Variants in MKLN1 observed in about 807,000 individuals in gnomAD.
The protein encoded by MKLN1 is muskelin.
Under a neutral mutation model 99.0 loss-of-function variants are expected in MKLN1, and 18 were observed. The ratio of observed to expected loss-of-function variants is 0.18; its 90% CI spans 0.13 to 0.27. MKLN1 has a LOEUF of 0.27. Among genes scored for constraint, MKLN1 ranks in the 10% least tolerant of loss-of-function variants. The probability of loss-of-function intolerance (pLI) is 1.00; values close to 1 mark genes in which losing one functional copy is unlikely to be tolerated. For missense variants in MKLN1, 621 were observed against 875.9 expected (o/e 0.71, Z 3.67); for synonymous variants, 288 against 293.2 (o/e 0.98, Z 0.18).
At chr7:131,244,317 G>A (rs528421788) in intron 3 of MKLN1, among the ~76,000 whole-genome samples, 4 of 152,032 alleles carry the variant, frequency 2.6e-5, no homozygotes, top group Admixed American at 1.3e-4. Flanking sequence ...TTCATGACCC[G>A]CTCCTCCCTC....
chr7:131,357,065 A>G (rs1799906550), intron 1 of MKLN1, among the ~76,000 whole-genome samples: 1 of 152,194 alleles, frequency 6.6e-6, no homozygotes, highest in South Asian at 2.1e-4. Context: ...TTACATTCAT[A>G]TGCTCTGTTT....
At chr7:131,189,535 CA>C (rs58453306) in intron 2 of MKLN1, among the ~76,000 whole-genome samples, 50,616 of 129,774 alleles carry the variant, frequency 0.39, 8,993 homozygotes, top group Middle Eastern at 0.54. Flanking sequence ...AAAAAACAAA[CA>C]AAAAAAAAAA....
At chr7:131,451,890 CAG>C (rs1563355885) in intron 12 of MKLN1, among the ~76,000 whole-genome samples, 1 of 152,144 alleles carries the variant, frequency 6.6e-6, no homozygotes, top group East Asian at 1.9e-4. Flanking sequence ...TATAGAAACT[CAG>C]TCTACTATAG....
chr7:131,265,409 G>A (rs2116545330), intron 3 of MKLN1, among the ~76,000 whole-genome samples: 1 of 152,004 alleles, frequency 6.6e-6, no homozygotes, highest in South Asian at 2.1e-4. Context: ...TTCTTCTTCT[G>A]CCTTGCTCCT....
chr7:131,354,521 G>T lies in MKLN1; in HGVS notation c.99-20903G>T, dbSNP rs531672696. Among the ~76,000 whole-genome samples, 469 of 147,798 alleles carry T rather than the reference G, an allele frequency of 3.2e-3. 1 individual carries two copies. Among genetic ancestry groups the T allele is most frequent in the African/African-American group, 0.011 (448 of 40,166 alleles). On this transcript the variant is annotated intron_variant, in intron 1 of 17. Coordinates refer to ENST00000352689, the MANE Select transcript of MKLN1 (RefSeq NM_013255.5). ...TCCTAGGATTTTTTTTTGTGGGGGGGGGCGTAAATCTTGTGGGATTTTTCA... is the reference window on the plus strand; with the variant it reads ...TCCTAGGATTTTTTTTTGTGGGGGGTGGCGTAAATCTTGTGGGATTTTTCA...
chr7:131,453,653 T>A (rs368893236), intron 12 of MKLN1, among the ~76,000 whole-genome samples: 1 of 152,130 alleles, frequency 6.6e-6, no homozygotes, highest in Non-Finnish European at 1.5e-5. Context: ...ATTCCAATTA[T>A]TTTTAATAAT....
At chr7:131,231,649 T>G (rs1797246196) in intron 3 of MKLN1, among the ~76,000 whole-genome samples, 1 of 152,094 alleles carries the variant, frequency 6.6e-6, no homozygotes, top group African/African-American at 2.4e-5. Flanking sequence ...TGAGTCTGAG[T>G]GTGTGTAGGT....
intron 6 of MKLN1, 36 bp downstream of exon 6, chr7:131,399,469 A>G: frequency 6.4e-7 from 1 of 1,556,128 alleles, no homozygotes; most frequent in African/African-American, 1.4e-5. Flanking sequence ...GGTAAATTCA[A>G]GTACATACGG....
intron 2 of MKLN1, among the ~76,000 whole-genome samples, chr7:131,185,987 T>C (rs762995066): frequency 6.8e-6 from 1 of 146,980 alleles, no homozygotes; most frequent in Non-Finnish European, 1.5e-5. Context: ...GGTCAAGAGA[T>C]TGAGACCATC....
chr7:131,261,659 A>G (rs1036903304), intron 3 of MKLN1, among the ~76,000 whole-genome samples: 9 of 152,344 alleles, frequency 5.9e-5, no homozygotes, highest in Middle Eastern at 3.4e-3. Flanking sequence ...ACTCAAAGGA[A>G]TATAAATCAT....
intron 1 of MKLN1, among the ~76,000 whole-genome samples, chr7:131,361,655 A>G (rs1800032624): frequency 6.6e-6 from 1 of 151,168 alleles, no homozygotes; most frequent in East Asian, 1.9e-4. Context: ...TCTCTGAGGA[A>G]GTTAACTAAG....
chr7:131,253,525 C>G (rs1797612957), intron 3 of MKLN1, among the ~76,000 whole-genome samples: 1 of 152,108 alleles, frequency 6.6e-6, no homozygotes, highest in African/African-American at 2.4e-5. Flanking sequence ...CTCACCCCAG[C>G]TTTTTTTCAG....
chr7:131,449,322 T>A (rs1262332837), intron 12 of MKLN1, among the ~76,000 whole-genome samples: 5 of 152,228 alleles, frequency 3.3e-5, no homozygotes, highest in African/African-American at 1.2e-4. Context: ...TTTAGTGCCT[T>A]GTTACAAATG....
chr7:131,472,841 C>G (rs1297622544), intron 16 of MKLN1, among the ~76,000 whole-genome samples: 1 of 150,454 alleles, frequency 6.6e-6, no homozygotes, highest in Non-Finnish European at 1.5e-5. Context: ...GTCCCAGCTA[C>G]TGGGGAGGCT....
intron 12 of MKLN1, among the ~76,000 whole-genome samples, chr7:131,457,703 G>GTCAGGAGT (rs1391602874): frequency 1.3e-5 from 2 of 152,152 alleles, no homozygotes; most frequent in Admixed American, 6.5e-5. Context: ...ATCACCTGAG[G>GTCAGGAGT]TCAGGAGTTC....
chr7:131,211,480 C>A (rs566165779), intron 3 of MKLN1, among the ~76,000 whole-genome samples: 21 of 152,312 alleles, frequency 1.4e-4, no homozygotes, highest in African/African-American at 4.8e-4. Flanking sequence ...TCTGTACTCT[C>A]CTAAGGTTAA....
intron 3 of MKLN1, among the ~76,000 whole-genome samples, chr7:131,294,493 G>A (rs1413241660): frequency 6.6e-6 from 1 of 152,170 alleles, no homozygotes; most frequent in Admixed American, 6.5e-5. Context: ...GGGAAAGAAC[G>A]AGTTTATTGC....
At chr7:131,245,188 C>T (rs1192323150) in intron 3 of MKLN1, among the ~76,000 whole-genome samples, 2 of 151,806 alleles carry the variant, frequency 1.3e-5, no homozygotes, top group South Asian at 2.1e-4. Context: ...AATGGTGATA[C>T]AGTCAAGTGC....
At chr7:131,343,923 G>A (rs1799481355) in intron 1 of MKLN1, among the ~76,000 whole-genome samples, 1 of 152,014 alleles carries the variant, frequency 6.6e-6, no homozygotes, top group Non-Finnish European at 1.5e-5. Context: ...ATATATCCTT[G>A]AATTATGATG....
Sources: allele counts gnomAD v4.1 joint callset (sites outside exome capture counted in the v4.1 genomes callset), GRCh38; gene constraint gnomAD v4.1.1; transcripts MANE v1.5; gene names NCBI Gene and HGNC (gene_info 2026-07-23, HGNC 2026-07-21).